CDK6: variants seen among roughly 807,000 people sequenced by gnomAD.
CDK6 encodes the protein cyclin dependent kinase 6, also known as cyclin-dependent kinase 6.
In CDK6, 6 loss-of-function variants were observed where a neutral mutation model predicts 37.1. The ratio of observed to expected loss-of-function variants is 0.16; its 90% CI spans 0.09 to 0.32. CDK6 has a LOEUF of 0.32. Ranked by LOEUF, CDK6 falls within the 10% of genes least tolerant of loss-of-function variation. The pLI, the probability that CDK6 is intolerant of heterozygous loss-of-function variation, is 1.00. For missense variants in CDK6, 224 were observed against 418.9 expected (o/e 0.53, Z 4.06); for synonymous variants, 160 against 161.3 (o/e 0.99, Z 0.06).
chr7:92,805,578 CA>C (rs1414467824), intron 2 of CDK6, among the ~76,000 whole-genome samples: 2 of 149,964 alleles, frequency 1.3e-5, no homozygotes, highest in South Asian at 2.1e-4. Context: ...ATGTTATGAC[CA>C]AAAAAAAACT....
chr7:92,643,185 C>T lies in CDK6; in HGVS notation c.648-20099G>A, dbSNP rs150102687. Among the ~76,000 whole-genome samples, 14 of 152,276 alleles carry T rather than the reference C, an allele frequency of 9.2e-5. No homozygotes were observed. The East Asian group carries it at 2.7e-3, about 29-fold the overall frequency. ...TACAGGCTTGAGCCACCACGCCCGG[C>T]CAAATCCCGGGTTTTAAAAAATACA... On this transcript the variant is annotated intron_variant, in intron 5 of 7. Transcript: ENST00000424848.
chr7:92,802,256 T>C (rs1298137082), intron 2 of CDK6, among the ~76,000 whole-genome samples: 1 of 152,110 alleles, frequency 6.6e-6, no homozygotes, highest in Non-Finnish European at 1.5e-5. Context: ...GTACACATTA[T>C]TTAGGGAAAT....
chr7:92,628,674 C>T (rs749457171), intron 5 of CDK6, among the ~76,000 whole-genome samples: 7 of 152,142 alleles, frequency 4.6e-5, no homozygotes, highest in Admixed American at 6.6e-5. Context: ...TACATATATA[C>T]GATTAGATGT....
chr7:92,750,550 C>T (rs942203443), intron 3 of CDK6, among the ~76,000 whole-genome samples: 27 of 152,096 alleles, frequency 1.8e-4, no homozygotes, highest in African/African-American at 5.8e-4. Context: ...AAGAGTAAAA[C>T]GGGAATGGGC....
chr7:92,725,414 G>A, intron 4 of CDK6: 1 of 797,414 alleles, frequency 1.3e-6, no homozygotes, highest in Non-Finnish European at 1.5e-6. Flanking sequence ...TTTCTGCAAT[G>A]GATCCTGTCC....
chr7:92,726,903 A>G (rs755743284), intron 3 of CDK6, among the ~76,000 whole-genome samples: 1 of 152,214 alleles, frequency 6.6e-6, no homozygotes, highest in East Asian at 1.9e-4. Context: ...AGCCCACTTT[A>G]TCATAGGATC....
At chr7:92,719,103 G>C (rs902272546) in intron 4 of CDK6, among the ~76,000 whole-genome samples, 3 of 152,192 alleles carry the variant, frequency 2.0e-5, no homozygotes, top group Admixed American at 6.5e-5. Flanking sequence ...TATCATCAGA[G>C]GCACAGGAAG....
intron 4 of CDK6, among the ~76,000 whole-genome samples, chr7:92,704,019 T>C (rs1306587807): frequency 6.6e-6 from 1 of 152,108 alleles, no homozygotes; most frequent in African/African-American, 2.4e-5. Flanking sequence ...CCTCCTACCT[T>C]GGGGCCTCTG....
intron 3 of CDK6, among the ~76,000 whole-genome samples, chr7:92,765,019 T>C (rs1799545432): frequency 6.6e-6 from 1 of 152,156 alleles, no homozygotes; most frequent in Non-Finnish European, 1.5e-5. Context: ...AAAATCCAAA[T>C]GAATAAATAT....
chr7:92,616,500 A>C (rs1172324228), intron 7 of CDK6, among the ~76,000 whole-genome samples: 1 of 152,198 alleles, frequency 6.6e-6, no homozygotes, highest in Non-Finnish European at 1.5e-5. Context: ...GGGCAAGTGG[A>C]AGAAAGAGCT....
intron 4 of CDK6, among the ~76,000 whole-genome samples, chr7:92,724,388 T>C (rs1798460542): frequency 6.6e-6 from 1 of 152,138 alleles, no homozygotes; most frequent in South Asian, 2.1e-4. Flanking sequence ...AGGAATCCTC[T>C]GCATCAAAAG....
In CDK6 at chr7:92,651,909, A is replaced by C. The variant is rs1281567748; in HGVS notation, c.647+19517T>G. 4.6e-5 allele frequency among the ~76,000 whole-genome samples: 7 copies of C among 152,322 alleles called. No homozygotes were observed. The East Asian group carries it at 1.3e-3, about 29-fold the overall frequency. On this transcript the variant is annotated intron_variant, in intron 5 of 7. Coordinates refer to ENST00000424848, the MANE Select transcript of CDK6 (RefSeq NM_001145306.2). ...AGGGGCTCTTTACCAATGGGTCTGG[A>C]AGCACATCAATATTTTAACAATGGG...
intron 5 of CDK6, among the ~76,000 whole-genome samples, chr7:92,660,532 T>C (rs1796812091): frequency 6.6e-6 from 1 of 152,238 alleles, no homozygotes; most frequent in Admixed American, 6.5e-5. Context: ...CCAAGGATCC[T>C]ACACCAGTCT....
chr7:92,828,237 T>C (rs1302937917), intron 2 of CDK6, among the ~76,000 whole-genome samples: 4 of 152,194 alleles, frequency 2.6e-5, no homozygotes, highest in South Asian at 2.1e-4. Flanking sequence ...TATACTTCAG[T>C]ATGGCATACT....
chr7:92,834,784 T>C lies in CDK6; in HGVS notation c.-367-1094A>G, dbSNP rs1487018190. 6.6e-6 allele frequency among the ~76,000 whole-genome samples: 1 copy of C among 152,026 alleles called. No homozygotes were observed. The highest frequency in any genetic ancestry group is 2.4e-5 in the African/African-American group (1 of 41,388). On this transcript the variant is annotated intron_variant, in intron 1 of 7. Transcript: ENST00000424848. The surrounding 1 kb of genome is among the most constrained non-coding windows in gnomAD (Gnocchi z 4.6). The stretch of plus-strand genomic sequence containing the variant: ...TTTCCCATTCCCAGGACCTCCCCGC[T>C]GTAGGTAGCAGAGGTGGCTGCCCCA...
Position 92,633,000 on chromosome 7 carries a change from T to C in CDK6, c.648-9914A>G, listed in dbSNP as rs556081984. ...CACCAATCCCAGGGCAGGATCTGAG[T>C]CTTGACTATAGTCCTTAGTTTTGAA... On this transcript the variant is annotated intron_variant, in intron 5 of 7. Transcript: ENST00000424848. Among the ~76,000 whole-genome samples, 9 of 149,982 alleles carry C rather than the reference T, an allele frequency of 6.0e-5. No individual in the cohort carries two copies. The East Asian group carries it at 1.8e-3, about 29-fold the overall frequency.
intron 6 of CDK6, 58 bp downstream of exon 6, chr7:92,622,978 G>A: frequency 9.5e-7 from 1 of 1,048,336 alleles, no homozygotes; most frequent in Middle Eastern, 2.0e-4. Context: ...TCAGAGGAAA[G>A]TCACTGTAAA....
intron 4 of CDK6, among the ~76,000 whole-genome samples, chr7:92,700,205 C>T (rs754935288): frequency 6.6e-6 from 1 of 152,080 alleles, no homozygotes; most frequent in Admixed American, 6.5e-5. Flanking sequence ...TGTTACTTGA[C>T]AGAGCTAGGA....
chr7:92,616,921 T>C (rs1243103561), intron 7 of CDK6, among the ~76,000 whole-genome samples: 2 of 152,222 alleles, frequency 1.3e-5, no homozygotes, highest in Non-Finnish European at 2.9e-5. Context: ...GTGTTTAAGT[T>C]CTATTATTGC....
Sources: gnomAD v4.1 joint callset for allele counts (sites outside exome capture counted in the v4.1 genomes callset) on GRCh38, gnomAD v4.1.1 for gene constraint, Gnocchi (gnomAD v3.1) non-coding constraint, MANE v1.5 for transcripts, NCBI Gene and HGNC (gene_info 2026-07-23, HGNC 2026-07-21) for gene names.